Variants in LRRC4C observed in about 807,000 individuals in gnomAD.
The protein encoded by LRRC4C is leucine-rich repeat-containing protein 4C.
Under a neutral mutation model 33.6 loss-of-function variants are expected in LRRC4C, and 5 were observed. The ratio of observed to expected loss-of-function variants is 0.15; its 90% CI spans 0.08 to 0.31. The LOEUF is 0.31. LRRC4C is among the 10% of genes least tolerant of loss of function. The probability of loss-of-function intolerance (pLI) is 1.00; values close to 1 mark genes in which losing one functional copy is unlikely to be tolerated. For synonymous variants in LRRC4C, 329 were observed against 302.0 expected (o/e 1.09, Z -0.93); for missense variants, 560 against 796.7 (o/e 0.70, Z 3.58).
intron 3 of LRRC4C, among the ~76,000 whole-genome samples, chr11:40,638,752 G>GT (rs969677294): frequency 2.1e-5 from 3 of 145,208 alleles, no homozygotes; most frequent in Non-Finnish European, 3.0e-5. Context: ...ATAATGAATG[G>GT]TTTTTTCAAT....
At chr11:41,069,890 A>G (rs1938548014) in intron 1 of LRRC4C, among the ~76,000 whole-genome samples, 1 of 152,178 alleles carries the variant, frequency 6.6e-6, no homozygotes, top group Non-Finnish European at 1.5e-5. Context: ...TACCATTGAC[A>G]TTCTTCACAG....
chr11:41,053,810 T>G (rs1328721774), intron 1 of LRRC4C, among the ~76,000 whole-genome samples: 1 of 152,202 alleles, frequency 6.6e-6, no homozygotes, highest in Non-Finnish European at 1.5e-5. Context: ...TTTTTCCATT[T>G]AAAATGTTAA....
intron 1 of LRRC4C, among the ~76,000 whole-genome samples, chr11:41,201,910 ACACACACACAAACACACAC>A (rs1946412617): frequency 2.0e-5 from 1 of 50,736 alleles, no homozygotes. Context: ...ACACACACAT[ACACACACACAAACACACAC>A]ACACACACAC....
chr11:40,366,871 T>C (rs1565318658), intron 3 of LRRC4C, among the ~76,000 whole-genome samples: 1 of 152,086 alleles, frequency 6.6e-6, no homozygotes, highest in Non-Finnish European at 1.5e-5. Flanking sequence ...GCTATGAATA[T>C]GATGGTGGAA....
chr11:40,709,957 C>T (rs1946376938), intron 2 of LRRC4C, among the ~76,000 whole-genome samples: 1 of 152,106 alleles, frequency 6.6e-6, no homozygotes, highest in Non-Finnish European at 1.5e-5. Context: ...GTCACTGATA[C>T]CCTTTCTTCC....
chr11:40,881,100 T>G (rs774583415), intron 2 of LRRC4C, among the ~76,000 whole-genome samples: 20 of 152,150 alleles, frequency 1.3e-4, no homozygotes, highest in Non-Finnish European at 2.5e-4. Context: ...GTCTCAGTCT[T>G]CCTATTTGTA....
At chr11:41,134,298 C>G (rs771702635) in intron 1 of LRRC4C, among the ~76,000 whole-genome samples, 11 of 152,194 alleles carry the variant, frequency 7.2e-5, no homozygotes, top group East Asian at 1.9e-4. Flanking sequence ...GAGACAGACT[C>G]TCTCTGTGCT....
intron 1 of LRRC4C, among the ~76,000 whole-genome samples, chr11:41,246,409 G>A (rs1293620034): frequency 1.3e-5 from 2 of 152,192 alleles, no homozygotes; most frequent in African/African-American, 2.4e-5. Flanking sequence ...AGCAGGAGCA[G>A]GCACTTCTGA....
At chr11:40,641,009 C>G (rs1488908756) in intron 3 of LRRC4C, among the ~76,000 whole-genome samples, 1 of 62,554 alleles carries the variant, frequency 1.6e-5, no homozygotes, top group Non-Finnish European at 2.8e-5. Flanking sequence ...GAGCGAGAGT[C>G]CATCTCAAAA....
chr11:40,495,580 G>A lies in LRRC4C; in HGVS notation c.-270+152562C>T, dbSNP rs75968338. ...TGTGTGTGGAAGGAAGAAGATGACC[G>A]TGAAAATCCTGACAGATCATTAACA... On this transcript the variant is annotated intron_variant, in intron 3 of 6. Coordinates refer to ENST00000528697, the MANE Select transcript of LRRC4C (RefSeq NM_001258419.2). 1.0e-2 allele frequency among the ~76,000 whole-genome samples: 1,515 copies of A among 152,142 alleles called. 26 individuals carry two copies. The highest frequency in any genetic ancestry group is 0.035 in the African/African-American group (1,433 of 41,510).
At chr11:40,370,728 C>T (rs1948413429) in intron 3 of LRRC4C, among the ~76,000 whole-genome samples, 1 of 152,102 alleles carries the variant, frequency 6.6e-6, no homozygotes, top group African/African-American at 2.4e-5. Context: ...GTAAAATCAT[C>T]TTAGCATGGA....
intron 3 of LRRC4C, among the ~76,000 whole-genome samples, chr11:40,485,237 G>A (rs1324939602): frequency 3.3e-5 from 4 of 121,882 alleles, no homozygotes; most frequent in Non-Finnish European, 7.1e-5. Flanking sequence ...TAAAAATATG[G>A]TGATAAGAGG....
At chr11:41,110,066 T>G (rs1244729648) in intron 1 of LRRC4C, among the ~76,000 whole-genome samples, 1 of 152,042 alleles carries the variant, frequency 6.6e-6, no homozygotes, top group African/African-American at 2.4e-5. Flanking sequence ...CAACCCACTA[T>G]TTTATTGCTC....
intron 3 of LRRC4C, among the ~76,000 whole-genome samples, chr11:40,561,180 A>AG (rs34673455): frequency 6.6e-6 from 1 of 152,118 alleles, no homozygotes; most frequent in Non-Finnish European, 1.5e-5. Context: ...AGATGCATAA[A>AG]GGGGGAAGTT....
At chr11:40,680,790 G>A (rs1471995981) in intron 2 of LRRC4C, among the ~76,000 whole-genome samples, 1 of 152,126 alleles carries the variant, frequency 6.6e-6, no homozygotes, top group African/African-American at 2.4e-5. Flanking sequence ...TTATACACAG[G>A]TGTAAGCAAT....
At chr11:41,140,852 G>C (rs547761643) in intron 1 of LRRC4C, among the ~76,000 whole-genome samples, 1 of 150,484 alleles carries the variant, frequency 6.6e-6, no homozygotes, top group Admixed American at 6.6e-5. Flanking sequence ...GTAAAAATTT[G>C]TTTTTTATTT....
At chr11:41,366,237 GATAGA>G (rs1952539199) in intron 1 of LRRC4C, among the ~76,000 whole-genome samples, 1 of 142,878 alleles carries the variant, frequency 7.0e-6, no homozygotes, top group Admixed American at 6.8e-5. Flanking sequence ...TAGATAGATA[GATAGA>G]TAGGTAGATA....
intron 3 of LRRC4C, among the ~76,000 whole-genome samples, chr11:40,550,633 C>A (rs552903583): frequency 6.6e-6 from 1 of 152,268 alleles, no homozygotes; most frequent in African/African-American, 2.4e-5. Flanking sequence ...ATTCTTCAAT[C>A]CAGCTTCTCA....
At chr11:40,381,328 G>T (rs187866909) in intron 3 of LRRC4C, among the ~76,000 whole-genome samples, 157 of 151,822 alleles carry the variant, frequency 1.0e-3, no homozygotes, top group African/African-American at 3.6e-3. Context: ...CATTATATTG[G>T]CCATTAACCA....
Sources: gnomAD v4.1 joint callset for allele counts (sites outside exome capture counted in the v4.1 genomes callset) on GRCh38, gnomAD v4.1.1 for gene constraint, MANE v1.5 for transcripts, NCBI Gene and HGNC (gene_info 2026-07-23, HGNC 2026-07-21) for gene names.